AGBL4: variants seen among roughly 807,000 people sequenced by gnomAD.
The protein encoded by AGBL4 is AGBL carboxypeptidase 4, also known as cytosolic carboxypeptidase 6.
Under a neutral mutation model 66.4 loss-of-function variants are expected in AGBL4, and 58 were observed. That is an observed-to-expected ratio of 0.87 (90% CI 0.71 to 1.09). The LOEUF is 1.09. Among genes scored for constraint, AGBL4 ranks in the 50% least tolerant of loss-of-function variants. The pLI, the probability that AGBL4 is intolerant of heterozygous loss-of-function variation, is 0.00. For synonymous variants in AGBL4, 234 were observed against 222.9 expected, an observed-to-expected ratio of 1.05 and a Z score of -0.44; for missense variants, 579 against 631.0, an observed-to-expected ratio of 0.92 and a Z score of 0.88.
intron 2 of AGBL4, chr1:49,841,772 C>G (rs1236879006): frequency 3.2e-6 from 1 of 308,330 alleles, no homozygotes; most frequent in African/African-American, 2.2e-5. Context: ...CATAAAAGTT[C>G]AGAAAATTTG....
chr1:49,273,255 ATT>A (rs1479188220), intron 3 of AGBL4, among the ~76,000 whole-genome samples: 1 of 152,052 alleles, frequency 6.6e-6, no homozygotes, highest in Non-Finnish European at 1.5e-5. Flanking sequence ...CACTTCCTAG[ATT>A]TTTCACCAGA....
At chr1:49,743,841 A>G (rs1265643631) in intron 2 of AGBL4, among the ~76,000 whole-genome samples, 4 of 146,874 alleles carry the variant, frequency 2.7e-5, no homozygotes, top group African/African-American at 1.0e-4. Context: ...ACTCATAGGT[A>G]GGAACTGAAC....
chr1:48,673,357 AGTAAT>A (rs112208279), intron 6 of AGBL4, among the ~76,000 whole-genome samples: 6,158 of 152,230 alleles, frequency 0.04, 434 homozygotes, highest in African/African-American at 0.14. Flanking sequence ...TAGGCCTGGG[AGTAAT>A]GTGATCCTGA....
At chr1:49,567,201 C>G (rs543236150) in intron 3 of AGBL4, among the ~76,000 whole-genome samples, 1 of 152,344 alleles carries the variant, frequency 6.6e-6, no homozygotes, top group East Asian at 1.9e-4. Flanking sequence ...CCGTCTGTCA[C>G]CCCTTTCTTT....
intron 2 of AGBL4, among the ~76,000 whole-genome samples, chr1:49,808,769 G>A (rs946338460): frequency 5.9e-5 from 9 of 151,958 alleles, no homozygotes; most frequent in Non-Finnish European, 1.3e-4. Flanking sequence ...TTCTGACATC[G>A]TAGTATATAG....
At chr1:49,318,740 G>C (rs1645082709) in intron 3 of AGBL4, among the ~76,000 whole-genome samples, 1 of 152,030 alleles carries the variant, frequency 6.6e-6, no homozygotes, top group Non-Finnish European at 1.5e-5. Flanking sequence ...TCTGGCTGTA[G>C]GGTTGTTGTT....
intron 6 of AGBL4, among the ~76,000 whole-genome samples, chr1:48,769,348 C>G (rs758252230): frequency 6.6e-6 from 1 of 152,026 alleles, no homozygotes; most frequent in Non-Finnish European, 1.5e-5. Context: ...GACTGGGGCA[C>G]AGAAAAAACT....
chr1:49,537,474 A>G (rs1012985319), intron 3 of AGBL4, among the ~76,000 whole-genome samples: 1 of 152,238 alleles, frequency 6.6e-6, no homozygotes, highest in Non-Finnish European at 1.5e-5. Flanking sequence ...ATTCCATTAA[A>G]AAGTGGGAAA....
intron 5 of AGBL4, among the ~76,000 whole-genome samples, chr1:48,977,885 A>G (rs1252461748): frequency 6.6e-6 from 1 of 152,152 alleles, no homozygotes; most frequent in African/African-American, 2.4e-5. Context: ...TAACCCAATA[A>G]AGGTTCACTG....
intron 6 of AGBL4, among the ~76,000 whole-genome samples, chr1:48,750,186 G>T (rs2148625719): frequency 6.6e-6 from 1 of 152,278 alleles, no homozygotes; most frequent in Non-Finnish European, 1.5e-5. Context: ...TGACTCAGAG[G>T]AAAATAGCAA....
intron 6 of AGBL4, among the ~76,000 whole-genome samples, chr1:48,672,575 C>T (rs442969): frequency 0.56 from 85,094 of 151,958 alleles, 24,136 homozygotes; most frequent in Middle Eastern, 0.66. Context: ...AGGACCTGGC[C>T]CAGTGGAGGT....
chr1:48,849,185 C>T (rs530541109), intron 6 of AGBL4, among the ~76,000 whole-genome samples: 4 of 152,312 alleles, frequency 2.6e-5, no homozygotes, highest in East Asian at 3.9e-4. Context: ...CTGACTAAGA[C>T]GAAAATGGCC....
At chr1:49,025,358 A>T (rs564882422) in intron 5 of AGBL4, among the ~76,000 whole-genome samples, 47 of 152,246 alleles carry the variant, frequency 3.1e-4, no homozygotes, top group South Asian at 1.0e-3. Context: ...AAAGAGAGAG[A>T]GGCCTTTAAA....
In AGBL4 at chr1:48,735,419, A is replaced by G. The variant is rs761210473; in HGVS notation, c.635-72178T>C. 8.7e-4 allele frequency among the ~76,000 whole-genome samples: 133 copies of G among 152,064 alleles called. 1 individual carries two copies. Among genetic ancestry groups the G allele is most frequent in the Non-Finnish European group, 3.4e-4 (23 of 67,976 alleles). ...GTGGGAGAGAGGGAGGAAAGAAAAA[A>G]GACAGAGGAGAAAGAAGAGAGGAGG... On this transcript the variant is annotated intron_variant, in intron 6 of 13. Transcript: ENST00000371839.
intron 1 of AGBL4, among the ~76,000 whole-genome samples, chr1:49,962,981 G>A (rs1657241319): frequency 6.6e-6 from 1 of 152,100 alleles, no homozygotes; most frequent in South Asian, 2.1e-4. Context: ...ATCAAATCAT[G>A]ACACCTTCCC....
intron 3 of AGBL4, among the ~76,000 whole-genome samples, chr1:49,504,155 G>C (rs1440236599): frequency 6.6e-6 from 1 of 152,090 alleles, no homozygotes; most frequent in Non-Finnish European, 1.5e-5. Context: ...AGAGCTGATA[G>C]TTTTATAATC....
the AGBL4 span, among the ~76,000 whole-genome samples, chr1:48,522,858 A>G: frequency 2.6e-5 from 4 of 151,480 alleles, no homozygotes; most frequent in African/African-American, 9.7e-5. Context: ...CCTGGGAGAC[A>G]GAGGTTGCAG....
At chr1:49,936,248 T>C (rs1294958835) in intron 1 of AGBL4, among the ~76,000 whole-genome samples, 2 of 151,854 alleles carry the variant, frequency 1.3e-5, no homozygotes, top group African/African-American at 2.4e-5. Context: ...CGATGGAAGA[T>C]GAAATGAATG....
chr1:49,854,743 T>G (rs1158587193), intron 1 of AGBL4, among the ~76,000 whole-genome samples: 2 of 152,110 alleles, frequency 1.3e-5, no homozygotes, highest in Non-Finnish European at 2.9e-5. Context: ...AGCCATATAG[T>G]GCCCTAAATC....
Sources: gnomAD v4.1 joint callset for allele counts (sites outside exome capture counted in the v4.1 genomes callset) on GRCh38, gnomAD v4.1.1 for gene constraint, MANE v1.5 for transcripts, NCBI Gene and HGNC (gene_info 2026-07-23, HGNC 2026-07-21) for gene names.